The following KDM4C variants were observed in gnomAD, a reference collection of about 807,000 sequenced individuals.
The protein encoded by KDM4C is lysine-specific demethylase 4C.
Under a neutral mutation model 129.3 loss-of-function variants are expected in KDM4C, and 81 were observed. The ratio of observed to expected loss-of-function variants is 0.63; its 90% CI spans 0.52 to 0.75. KDM4C has a LOEUF of 0.75. Among genes scored for constraint, KDM4C ranks in the 30% least tolerant of loss-of-function variants. The pLI is 0.00. For missense variants in KDM4C, 1,457 were observed against 1,304.0 expected (o/e 1.12, Z -1.81); for synonymous variants, 573 against 456.1 (o/e 1.26, Z -3.26).
At chr9:7,012,213 T>A (rs906978468) in intron 13 of KDM4C, among the ~76,000 whole-genome samples, 2 of 152,184 alleles carry the variant, frequency 1.3e-5, no homozygotes, top group Non-Finnish European at 2.9e-5. Flanking sequence ...ACTATAGGTG[T>A]GAGCCACCAT....
Position 6,752,170 on chromosome 9 carries a change from A to G in KDM4C, c.49+31173A>G, listed in dbSNP as rs553685855. ...AACACGGTGAAACCCCGTCTCTACTAAAAATACAAAAAATTAGCCGGGCAT... is the reference window on the plus strand; with the variant it reads ...AACACGGTGAAACCCCGTCTCTACTGAAAATACAAAAAATTAGCCGGGCAT... On this transcript the variant is annotated intron_variant, in intron 1 of 17. Coordinates refer to the KDM4C transcript ENST00000536108. Among the ~76,000 whole-genome samples the G allele has an allele frequency of 9.8e-4, 146 of 148,666 alleles. 2 individuals are homozygous for G. Among genetic ancestry groups the G allele is most frequent in the Middle Eastern group, 3.4e-3 (1 of 292 alleles).
chr9:6,917,851 G>A (rs561546825), intron 8 of KDM4C, among the ~76,000 whole-genome samples: 23 of 152,180 alleles, frequency 1.5e-4, no homozygotes, highest in Non-Finnish European at 2.9e-4. Context: ...TCTAAGTGAG[G>A]CCACTTGTGC....
At position 6,807,859 on chromosome 9, in the gene KDM4C, A is replaced by T. The variant is rs374682163; in HGVS notation, c.320+2085A>T. Among the ~76,000 whole-genome samples the T allele has an allele frequency of 2.6e-5, 3 of 115,502 alleles. 1 individual carries two copies. Among genetic ancestry groups the T allele is most frequent in the African/African-American group, 7.0e-5 (2 of 28,434 alleles). 75.8% of individuals were successfully genotyped at this position (115,502 alleles called of 152,430 possible). A position where few individuals can be genotyped will look rare whatever the true frequency, so the allele number is the denominator to read the frequency against. On this transcript the variant is annotated intron_variant, in intron 3 of 21. Coordinates refer to ENST00000381309, the MANE Select transcript of KDM4C (RefSeq NM_015061.6). ...GAGGGAGGTTGGGGGTCAGCCCCCCAACCTGGCCAGCCGCCCCGTCCGGGA... is the reference window on the plus strand; with the variant it reads ...GAGGGAGGTTGGGGGTCAGCCCCCCTACCTGGCCAGCCGCCCCGTCCGGGA...
At chr9:7,128,787 T>A (rs1270389940) in intron 19 of KDM4C, among the ~76,000 whole-genome samples, 1 of 151,828 alleles carries the variant, frequency 6.6e-6, no homozygotes, top group Non-Finnish European at 1.5e-5. Flanking sequence ...TGTGTGTGCG[T>A]GCGCGTGTGT....
chr9:6,785,165 G>T (rs974494839), intron 1 of KDM4C, among the ~76,000 whole-genome samples: 1 of 152,182 alleles, frequency 6.6e-6, no homozygotes, highest in South Asian at 2.1e-4. Context: ...CAAGGTGTTG[G>T]CAGGACCGTG....
chr9:6,872,599 T>G (rs1010817959), intron 5 of KDM4C, among the ~76,000 whole-genome samples: 1 of 152,246 alleles, frequency 6.6e-6, no homozygotes, highest in Non-Finnish European at 1.5e-5. Flanking sequence ...TCTTGTTGCA[T>G]TGATCCCTTT....
At chr9:7,040,847 A>G (rs974005051) in intron 15 of KDM4C, among the ~76,000 whole-genome samples, 4 of 151,318 alleles carry the variant, frequency 2.6e-5, no homozygotes, top group African/African-American at 4.9e-5. Context: ...TTTGATTGCT[A>G]TGTAGCCAGG....
At chr9:6,811,377 A>T (rs1412445573) in intron 3 of KDM4C, among the ~76,000 whole-genome samples, 1 of 151,742 alleles carries the variant, frequency 6.6e-6, no homozygotes, top group African/African-American at 2.4e-5. Context: ...CTGGTCTCTA[A>T]CTCCTGACCT....
intron 4 of KDM4C, among the ~76,000 whole-genome samples, chr9:6,831,738 A>G (rs2131321114): frequency 6.6e-6 from 1 of 152,304 alleles, no homozygotes; most frequent in East Asian, 1.9e-4. Flanking sequence ...GGAAGAGTGA[A>G]GGGCACAAAG....
intron 19 of KDM4C, among the ~76,000 whole-genome samples, chr9:7,162,848 T>C (rs1448394317): frequency 6.6e-6 from 1 of 152,090 alleles, no homozygotes; most frequent in Admixed American, 6.5e-5. Flanking sequence ...TTGCCTCTGT[T>C]GGGATTCGAG....
chr9:7,107,786 A>T (rs73409591), intron 18 of KDM4C, among the ~76,000 whole-genome samples: 1 of 152,188 alleles, frequency 6.6e-6, no homozygotes, highest in African/African-American at 2.4e-5. Context: ...TGGTTAATTT[A>T]TGTGATTTTG....
chr9:7,094,880 C>A (rs1836241087), intron 17 of KDM4C, among the ~76,000 whole-genome samples: 1 of 152,132 alleles, frequency 6.6e-6, no homozygotes, highest in African/African-American at 2.4e-5. Context: ...ACAGACAGAA[C>A]AATTCATGGG....
At chr9:7,023,810 T>C (rs1825303386) in intron 15 of KDM4C, among the ~76,000 whole-genome samples, 1 of 152,200 alleles carries the variant, frequency 6.6e-6, no homozygotes. Context: ...CTGTATCCCA[T>C]AGATTTTGGT....
At chr9:6,909,875 T>G (rs1455784957) in intron 8 of KDM4C, among the ~76,000 whole-genome samples, 1 of 152,204 alleles carries the variant, frequency 6.6e-6, no homozygotes, top group East Asian at 1.9e-4. Context: ...GCAAGACTTT[T>G]GAAGCGGCAC....
Position 7,138,820 on chromosome 9 carries a change from T to TA in KDM4C, c.2781+10592dup, listed in dbSNP as rs1564166917. On this transcript the variant is annotated intron_variant, in intron 19 of 21. Coordinates refer to ENST00000381309, the MANE Select transcript of KDM4C (RefSeq NM_015061.6). ...GGGTGACAGAGCCAAACCCTGTCTCTAAAAAAAATAAAATAAAAGATGCCT... is the reference window on the plus strand; with the variant it reads ...GGGTGACAGAGCCAAACCCTGTCTCTAAAAAAAAATAAAATAAAAGATGCCT... Among the ~76,000 whole-genome samples, 13 of 151,622 alleles carry TA rather than the reference T, an allele frequency of 8.6e-5. No homozygotes were observed. The South Asian group carries it at 2.5e-3, about 29-fold the overall frequency.
chr9:7,004,632 A>T (rs1036371018), intron 12 of KDM4C, among the ~76,000 whole-genome samples: 7 of 152,214 alleles, frequency 4.6e-5, no homozygotes, highest in African/African-American at 1.7e-4. Flanking sequence ...ATACTTTTGT[A>T]AAAGACATTA....
rs941338195 is a variant in KDM4C, at chr9:6,996,790, T to C, written c.1786+6266T>C. Among the ~76,000 whole-genome samples, 21 of 152,218 alleles carry C rather than the reference T, an allele frequency of 1.4e-4. 1 individual carries two copies. The highest frequency in any genetic ancestry group is 2.9e-5 in the Non-Finnish European group (2 of 68,044). Reference sequence around the variant, plus strand: ...TTATAAGAAAATTGCAAGACTGTTATTAGGTGATTTTAGTTTTCTTTTTTA... The same window carrying C: ...TTATAAGAAAATTGCAAGACTGTTACTAGGTGATTTTAGTTTTCTTTTTTA... On this transcript the variant is annotated intron_variant, in intron 12 of 21. Transcript: ENST00000381309.
chr9:6,816,533 C>G (rs1197706779), intron 4 of KDM4C, among the ~76,000 whole-genome samples: 2 of 152,182 alleles, frequency 1.3e-5, no homozygotes, highest in African/African-American at 4.8e-5. Flanking sequence ...AGTGTGCATT[C>G]TTTTATGTCT....
At chr9:6,969,209 T>TC (rs754868588) in intron 8 of KDM4C, among the ~76,000 whole-genome samples, 41 of 152,350 alleles carry the variant, frequency 2.7e-4, no homozygotes, top group East Asian at 7.7e-4. Context: ...GTGCTGGGAT[T>TC]ATAGGCTTGA....
Sources: allele counts gnomAD v4.1 joint callset (sites outside exome capture counted in the v4.1 genomes callset), GRCh38; gene constraint gnomAD v4.1.1; transcripts MANE v1.5; gene names NCBI Gene and HGNC (gene_info 2026-07-23, HGNC 2026-07-21).